The following RSBN1L variants were observed in gnomAD, a reference collection of about 807,000 sequenced individuals.
RSBN1L encodes lysine-specific demethylase RSBN1L.
A neutral mutation model predicts 67.7 loss-of-function variants in RSBN1L; 30 were observed. The observed-to-expected ratio is 0.44, with a 90% CI of 0.33 to 0.60. RSBN1L has a LOEUF of 0.60. Ranked by LOEUF, RSBN1L falls within the 20% of genes least tolerant of loss-of-function variation. RSBN1L has a pLI of 0.02. For synonymous variants in RSBN1L, 433 were observed against 387.0 expected (o/e 1.12, Z -1.39); for missense variants, 992 against 1,031.7 (o/e 0.96, Z 0.53).
At chr7:77,768,566 A>G in intron 4 of RSBN1L, 95 bp from the exon 5 acceptor site, 1 of 1,049,252 alleles carries the variant, frequency 9.5e-7, no homozygotes, top group Admixed American at 2.1e-5. Flanking sequence ...GCTGTGTATG[A>G]AAGTGTGTTT....
At chr7:77,729,768 A>C (rs1269750372) in intron 1 of RSBN1L, among the ~76,000 whole-genome samples, 1 of 152,140 alleles carries the variant, frequency 6.6e-6, no homozygotes, top group Admixed American at 6.5e-5. Context: ...AGCCTGGGCA[A>C]CATAGTGAGA....
intron 1 of RSBN1L, among the ~76,000 whole-genome samples, chr7:77,714,798 T>C (rs1428510854): frequency 1.3e-5 from 2 of 151,698 alleles, no homozygotes; most frequent in African/African-American, 4.8e-5. Flanking sequence ...CCGTTTCTAC[T>C]AAAAATACAA....
At chr7:77,761,962 T>C (rs1226708372) in intron 3 of RSBN1L, among the ~76,000 whole-genome samples, 1 of 152,180 alleles carries the variant, frequency 6.6e-6, no homozygotes, top group Non-Finnish European at 1.5e-5. Flanking sequence ...TGGAAGATCA[T>C]TGCCGTTTTG....
chr7:77,756,652 C>T (rs973416142), intron 3 of RSBN1L, among the ~76,000 whole-genome samples: 1 of 151,932 alleles, frequency 6.6e-6, no homozygotes, highest in Non-Finnish European at 1.5e-5. Flanking sequence ...GTGGTGGGCG[C>T]CTGTAGTCCC....
intron 1 of RSBN1L, among the ~76,000 whole-genome samples, chr7:77,718,368 C>G (rs1239363466): frequency 6.6e-6 from 1 of 152,118 alleles, no homozygotes; most frequent in Non-Finnish European, 1.5e-5. Context: ...CTGGTGCAAT[C>G]ACGGCTTCAA....
At chr7:77,714,830 G>A (rs1456512896) in intron 1 of RSBN1L, among the ~76,000 whole-genome samples, 3 of 152,036 alleles carry the variant, frequency 2.0e-5, no homozygotes, top group Non-Finnish European at 4.4e-5. Flanking sequence ...GGGCATGGTG[G>A]CAGGCGCCTG....
chr7:77,735,762 T>C lies in RSBN1L; in HGVS notation c.587-648T>C, dbSNP rs12533656. Among the ~76,000 whole-genome samples the C allele has an allele frequency of 3.6e-3, 547 of 152,234 alleles. 4 individuals carry two copies. Among genetic ancestry groups the C allele is most frequent in the Non-Finnish European group, 5.2e-3 (353 of 67,992 alleles). ...GTCATTTGAACAAAGAAGAATTTAATAGGCTATCAAATATTTTGTTTGAAG... is the reference window on the plus strand; with the variant it reads ...GTCATTTGAACAAAGAAGAATTTAACAGGCTATCAAATATTTTGTTTGAAG... On this transcript the variant is annotated intron_variant, in intron 1 of 7. Transcript: ENST00000334955.
intron 5 of RSBN1L, among the ~76,000 whole-genome samples, chr7:77,771,527 T>TTTTTTG (rs1791849973): frequency 6.6e-6 from 1 of 151,084 alleles, no homozygotes; most frequent in African/African-American, 2.4e-5. Context: ...TTTTTTTTTT[T>TTTTTTG]GAGATAGAGT....
At chr7:77,712,350 T>C (rs931365142) in intron 1 of RSBN1L, among the ~76,000 whole-genome samples, 1 of 151,892 alleles carries the variant, frequency 6.6e-6, no homozygotes, top group Non-Finnish European at 1.5e-5. Flanking sequence ...TGGTGCAGTC[T>C]CGGCTCACTG....
chr7:77,768,658 C>A lies in RSBN1L; in HGVS notation c.1483-3C>A. On this transcript the variant is annotated splice_region_variant and splice_polypyrimidine_tract_variant and intron_variant, in intron 4 of 7. Transcript: ENST00000334955. ...TGCAATCTGCATAATTATTTATCTC[C>A]AGTGTACACTGCCATGGGGGACGCT... 1 of 1,611,372 alleles carries A rather than the reference C, an allele frequency of 6.2e-7. No homozygotes were observed. The highest frequency in any genetic ancestry group is 8.5e-7 in the Non-Finnish European group (1 of 1,177,988).
intron 5 of RSBN1L, among the ~76,000 whole-genome samples, chr7:77,771,710 G>A (rs540844816): frequency 2.0e-5 from 3 of 151,756 alleles, no homozygotes; most frequent in African/African-American, 2.4e-5. Context: ...GGATTTCGCC[G>A]TTTTGGCCAG....
chr7:77,718,273 C>T (rs1791073763), intron 1 of RSBN1L, among the ~76,000 whole-genome samples: 1 of 152,150 alleles, frequency 6.6e-6, no homozygotes, highest in African/African-American at 2.4e-5. Flanking sequence ...TCTTTTAGCC[C>T]TTCACTTCTT....
At chr7:77,725,630 CTATTT>C (rs767143063) in intron 1 of RSBN1L, among the ~76,000 whole-genome samples, 2 of 151,510 alleles carry the variant, frequency 1.3e-5, no homozygotes, top group Non-Finnish European at 2.9e-5. Flanking sequence ...ATATCGTTTA[CTATTT>C]TATTTTATTT....
intron 1 of RSBN1L, among the ~76,000 whole-genome samples, chr7:77,707,858 A>G (rs1369305570): frequency 2.0e-5 from 3 of 152,192 alleles, no homozygotes; most frequent in African/African-American, 7.2e-5. Flanking sequence ...AATAATAATA[A>G]TAGCTAAAAT....
chr7:77,717,753 C>G (rs910162575), intron 1 of RSBN1L, among the ~76,000 whole-genome samples: 3 of 152,188 alleles, frequency 2.0e-5, no homozygotes, highest in African/African-American at 4.8e-5. Context: ...TGTGGCTGCT[C>G]ACACCTGTAA....
intron 1 of RSBN1L, among the ~76,000 whole-genome samples, chr7:77,719,915 C>T (rs907751776): frequency 6.6e-6 from 1 of 152,072 alleles, no homozygotes; most frequent in Non-Finnish European, 1.5e-5. Context: ...TAGGTGCGCA[C>T]CACTGTGCCT....
intron 3 of RSBN1L, among the ~76,000 whole-genome samples, chr7:77,755,016 CTG>C (rs1348668349): frequency 1.3e-5 from 2 of 151,966 alleles, no homozygotes; most frequent in African/African-American, 2.4e-5. Context: ...TATAGTGAAA[CTG>C]TATATTTTGG....
At chr7:77,729,120 T>G (rs1051238551) in intron 1 of RSBN1L, among the ~76,000 whole-genome samples, 1 of 152,220 alleles carries the variant, frequency 6.6e-6, no homozygotes, top group African/African-American at 2.4e-5. Flanking sequence ...TCTTTTATAG[T>G]CTTCTCTTTG....
intron 1 of RSBN1L, among the ~76,000 whole-genome samples, chr7:77,707,935 G>T (rs1307538238): frequency 6.6e-6 from 1 of 152,114 alleles, no homozygotes; most frequent in Non-Finnish European, 1.5e-5. Flanking sequence ...GTCCTTTAAA[G>T]TTTAATTAGA....
Sources: gnomAD v4.1 joint callset for allele counts (sites outside exome capture counted in the v4.1 genomes callset) on GRCh38, gnomAD v4.1.1 for gene constraint, MANE v1.5 for transcripts, NCBI Gene and HGNC (gene_info 2026-07-23, HGNC 2026-07-21) for gene names.